The following CRISPLD2 variants were observed in gnomAD, a reference collection of about 807,000 sequenced individuals.
CRISPLD2 encodes the protein cysteine-rich secretory protein LCCL domain-containing 2.
CRISPLD2 carries 47 observed loss-of-function variants against 71.1 expected under a neutral mutation model. That is an observed-to-expected ratio of 0.66 (90% CI 0.52 to 0.84). CRISPLD2 has a LOEUF of 0.84. Among genes scored for constraint, CRISPLD2 ranks in the 40% least tolerant of loss-of-function variants. CRISPLD2 has a pLI of 0.00. For synonymous variants in CRISPLD2, 317 were observed against 250.1 expected, an observed-to-expected ratio of 1.27 and a Z score of -2.52; for missense variants, 830 against 651.1, an observed-to-expected ratio of 1.27 and a Z score of -2.99.
At chr16:84,898,557 C>G (rs1164334893) in intron 14 of CRISPLD2, among the ~76,000 whole-genome samples, 1 of 152,204 alleles carries the variant, frequency 6.6e-6, no homozygotes, top group Non-Finnish European at 1.5e-5. Context: ...TCTCCACCAT[C>G]CAGCCTGCAC....
intron 6 of CRISPLD2, among the ~76,000 whole-genome samples, chr16:84,859,850 C>A (rs1389210081): frequency 2.0e-5 from 3 of 152,238 alleles, no homozygotes; most frequent in African/African-American, 7.2e-5. Flanking sequence ...CACTTGGCCC[C>A]TGCCACCTTG....
chr16:84,872,380 C>G, intron 8 of CRISPLD2, 62 bp from the exon 9 acceptor site: 1 of 1,329,566 alleles, frequency 7.5e-7, no homozygotes, highest in Non-Finnish European at 1.1e-6. Context: ...AAATGATAAA[C>G]TCATTGTGAG....
At chr16:84,876,736 G>C (rs2071521709) in intron 11 of CRISPLD2, among the ~76,000 whole-genome samples, 1 of 152,180 alleles carries the variant, frequency 6.6e-6, no homozygotes, top group Non-Finnish European at 1.5e-5. Context: ...AGGTTGCAGT[G>C]AGCCAAGATC....
chr16:84,890,106 C>T (rs1425765878), intron 14 of CRISPLD2, among the ~76,000 whole-genome samples: 1 of 152,182 alleles, frequency 6.6e-6, no homozygotes, highest in Non-Finnish European at 1.5e-5. Context: ...CGCCTGTAAT[C>T]CCAGCACTTT....
chr16:84,897,202 G>C (rs2071713817), intron 14 of CRISPLD2, among the ~76,000 whole-genome samples: 1 of 152,072 alleles, frequency 6.6e-6, no homozygotes, highest in Non-Finnish European at 1.5e-5. Flanking sequence ...CAGGTACATT[G>C]GGAGGCTGAG....
At chr16:84,889,052 G>T (rs541907481) in intron 13 of CRISPLD2, among the ~76,000 whole-genome samples, 178 bp from the exon 14 acceptor site, 1 of 152,212 alleles carries the variant, frequency 6.6e-6, no homozygotes, top group African/African-American at 2.4e-5. Context: ...AATGCATGAT[G>T]TCCAGTCTCT....
intron 5 of CRISPLD2, among the ~76,000 whole-genome samples, chr16:84,853,150 C>T (rs750919285): frequency 6.6e-5 from 10 of 152,128 alleles, no homozygotes; most frequent in Non-Finnish European, 1.5e-4. Flanking sequence ...TAGGGTTGAG[C>T]TGGGAGCGTC....
chr16:84,861,037 C>A (rs4261526), intron 6 of CRISPLD2, among the ~76,000 whole-genome samples: 103,676 of 151,990 alleles, frequency 0.68, 35,481 homozygotes, highest in South Asian at 0.75. Flanking sequence ...CAGAGGTATT[C>A]AGTCTAGAGT....
In CRISPLD2 at chr16:84,850,637, G is replaced by C. The variant is rs1005694320; in HGVS notation, c.562G>C (p.Glu188Gln). The change falls in exon 5 of 15, where the codon GAA (glutamate) becomes CAA (glutamine). Residue 188 changes from glutamate to glutamine, a missense_variant. Glu to Gln is a conservative substitution (Grantham distance 29). Transcript: ENST00000262424. Reference sequence around the variant, plus strand: ...CTGCCGGAAGATGACTGTCTGGGGAGAAGTTTGGGAGAACGCGGTCTACTT... The same window carrying C: ...CTGCCGGAAGATGACTGTCTGGGGACAAGTTTGGGAGAACGCGGTCTACTT... ...NTCRKMTVWG[E>Q]VWENAVYFVC... 9 of 1,614,090 alleles carry C rather than the reference G, an allele frequency of 5.6e-6. No individual in the cohort carries two copies. The highest frequency in any genetic ancestry group is 5.9e-6 in the Non-Finnish European group (7 of 1,180,042).
At chr16:84,849,989 G>C (rs1917038834) in intron 4 of CRISPLD2, among the ~76,000 whole-genome samples, 1 of 151,668 alleles carries the variant, frequency 6.6e-6, no homozygotes, top group Non-Finnish European at 1.5e-5. Context: ...GCTTCCCAAA[G>C]TGTTGGGATT....
chr16:84,830,529 C>A (rs920199920), intron 1 of CRISPLD2, among the ~76,000 whole-genome samples: 2 of 151,946 alleles, frequency 1.3e-5, no homozygotes, highest in African/African-American at 2.4e-5. Context: ...TATGGGAAAC[C>A]CTGTCTCTAC....
chr16:84,837,802 C>G (rs1301930480), intron 1 of CRISPLD2, among the ~76,000 whole-genome samples: 1 of 152,112 alleles, frequency 6.6e-6, no homozygotes, highest in East Asian at 1.9e-4. Flanking sequence ...ACATAAACGA[C>G]CGGCCTGTGT....
chr16:84,838,883 T>C, intron 2 of CRISPLD2, 148 bp downstream of exon 2: 2 of 1,027,486 alleles, frequency 1.9e-6, no homozygotes, highest in Non-Finnish European at 2.9e-6. Context: ...ATCCCGGCTC[T>C]GTTCTGTTTT....
At chr16:84,823,713 T>A (rs1245163352) in intron 1 of CRISPLD2, among the ~76,000 whole-genome samples, 1 of 152,148 alleles carries the variant, frequency 6.6e-6, no homozygotes, top group Non-Finnish European at 1.5e-5. Flanking sequence ...CGAGGGAGAT[T>A]TATCTTTGAT....
intron 3 of CRISPLD2, among the ~76,000 whole-genome samples, chr16:84,846,604 G>C (rs368229411): frequency 6.6e-6 from 1 of 152,082 alleles, no homozygotes; most frequent in African/African-American, 2.4e-5. Flanking sequence ...TTGAGTCCCC[G>C]TTCCTGTGGG....
intron 14 of CRISPLD2, among the ~76,000 whole-genome samples, chr16:84,901,532 T>G (rs1036945370): frequency 1.3e-5 from 2 of 149,682 alleles, no homozygotes; most frequent in Non-Finnish European, 3.0e-5. Context: ...AGTGCAATGG[T>G]GTGATCTCGG....
At chr16:84,844,718 C>T (rs1916865273) in intron 2 of CRISPLD2, among the ~76,000 whole-genome samples, 1 of 152,174 alleles carries the variant, frequency 6.6e-6, no homozygotes, top group African/African-American at 2.4e-5. Context: ...CATCTCGGGG[C>T]CCTTCTTGCT....
chr16:84,849,802 C>G lies in CRISPLD2; in HGVS notation c.492+285C>G, dbSNP rs895065267. Among the ~76,000 whole-genome samples, 70 of 151,852 alleles carry G rather than the reference C, an allele frequency of 4.6e-4. 1 individual carries two copies. Among genetic ancestry groups the G allele is most frequent in the Non-Finnish European group, 1.0e-3 (68 of 67,966 alleles). On this transcript the variant is annotated intron_variant, in intron 4 of 14. Coordinates refer to ENST00000262424, the MANE Select transcript of CRISPLD2 (RefSeq NM_031476.4). ...GATCTTAGTTAGCTTAGTGCAGCCC[C>G]AAACTCCTGGGCTCAAGCAATCCTC...
rs113157544 is a variant in CRISPLD2 at position 84,888,476 on chromosome 16, C to T, written c.1306-754C>T. 8.2e-4 allele frequency among the ~76,000 whole-genome samples: 125 copies of T among 152,320 alleles called. 1 individual carries two copies. Among genetic ancestry groups the T allele is most frequent in the African/African-American group, 2.9e-3 (120 of 41,560 alleles). On this transcript the variant is annotated intron_variant, in intron 13 of 14. Coordinates refer to ENST00000262424, the MANE Select transcript of CRISPLD2 (RefSeq NM_031476.4). ...CCTTGAGCCTGGAAGGTTTTATCAC[C>T]CAGAAACTGAACTCCTTGATGATGT... is the stretch of plus-strand genomic sequence containing the variant.
Sources: gnomAD v4.1 joint callset for allele counts (sites outside exome capture counted in the v4.1 genomes callset) on GRCh38, gnomAD v4.1.1 for gene constraint, MANE v1.5 for transcripts, NCBI Gene and HGNC (gene_info 2026-07-23, HGNC 2026-07-21) for gene names.